APELA: variants seen among roughly 807,000 people sequenced by gnomAD.
The protein encoded by APELA is protein Elabela.
chr4:164,877,765 C>A (rs1377325111), intron 1 of APELA, among the ~76,000 whole-genome samples: 2 of 152,026 alleles, frequency 1.3e-5, no homozygotes, highest in African/African-American at 4.8e-5. Flanking sequence ...AGGTAAAATG[C>A]AAACTCCAAA....
At chr4:164,888,467 A>T (rs1244206452) in intron 2 of APELA, among the ~76,000 whole-genome samples, 1 of 152,200 alleles carries the variant, frequency 6.6e-6, no homozygotes, top group Non-Finnish European at 1.5e-5. Flanking sequence ...CCTAAGCTAG[A>T]ATCAGGGGAG....
At chr4:164,895,367 G>T (rs1039340903) in intron 2 of APELA, 49 bp from the exon 3 acceptor site, 1 of 152,070 alleles carries the variant, frequency 6.6e-6, no homozygotes, top group Non-Finnish European at 1.5e-5. Flanking sequence ...TGGTGTGCTG[G>T]ATAGTATTTC....
chr4:164,892,807 T>G (rs192446631), intron 2 of APELA, among the ~76,000 whole-genome samples: 1,831 of 152,300 alleles, frequency 0.012, 14 homozygotes, highest in Non-Finnish European at 0.018. Context: ...TTTCAGATTT[T>G]TATTTCTTTT....
At chr4:164,887,470 A>T (rs1020086761) in intron 2 of APELA, among the ~76,000 whole-genome samples, 3 of 152,150 alleles carry the variant, frequency 2.0e-5, no homozygotes, top group African/African-American at 7.2e-5. Flanking sequence ...AACAAAAAAA[A>T]CACACATATA....
intron 2 of APELA, among the ~76,000 whole-genome samples, chr4:164,890,759 GA>G (rs569662989): frequency 5.7e-4 from 86 of 151,338 alleles, no homozygotes; most frequent in African/African-American, 1.9e-3. Context: ...GGAATTAAAA[GA>G]GAGGAATTGT....
At chr4:164,895,116 T>C (rs938411124) in intron 2 of APELA, among the ~76,000 whole-genome samples, 1 of 152,176 alleles carries the variant, frequency 6.6e-6, no homozygotes, top group Admixed American at 6.5e-5. Flanking sequence ...TGAGAATCAC[T>C]TGAACTCAGA....
At chr4:164,895,292 GCACTGATAAA>G (rs770521905) in intron 2 of APELA, 114 bp from the exon 3 acceptor site, 71 of 152,072 alleles carry the variant, frequency 4.7e-4, no homozygotes, top group Admixed American at 4.3e-3. Flanking sequence ...GTTGCTTTCA[GCACTGATAAA>G]CACTGATAAA....
At chr4:164,886,375 G>C (rs992884380) in intron 2 of APELA, among the ~76,000 whole-genome samples, 12 of 152,202 alleles carry the variant, frequency 7.9e-5, no homozygotes, top group African/African-American at 2.4e-4. Flanking sequence ...ATGCCAGCCA[G>C]CCACAGTGGC....
Position 164,880,492 on chromosome 4 carries a change from G to A in APELA, c.*1+1483G>A, listed in dbSNP as rs183022132. On this transcript the variant is annotated intron_variant, in intron 2 of 2. Transcript: ENST00000507152. ...GAAACATGCTTTAAAAAGATTTTCT[G>A]TGTTAAAATATCCTTTGGTGTGTGT... is the stretch of plus-strand genomic sequence containing the variant. 1.4e-4 allele frequency among the ~76,000 whole-genome samples: 22 copies of A among 152,328 alleles called. 1 individual carries two copies. In the East Asian group the frequency reaches 4.2e-3, roughly 29 times the overall value.
chr4:164,898,610 G>A (rs1731020932), downstream of APELA: 1 of 152,062 alleles, frequency 6.6e-6, no homozygotes, highest in Non-Finnish European at 1.5e-5. Context: ...AGTAGTAATG[G>A]TGCCACCCCA....
chr4:164,892,412 T>C (rs1730900200), intron 2 of APELA, among the ~76,000 whole-genome samples: 1 of 152,218 alleles, frequency 6.6e-6, no homozygotes, highest in African/African-American at 2.4e-5. Context: ...TTGTCTCTTA[T>C]TCTATTGATA....
chr4:164,880,810 G>T (rs1299320035), intron 2 of APELA, among the ~76,000 whole-genome samples: 3 of 152,074 alleles, frequency 2.0e-5, no homozygotes, highest in Non-Finnish European at 4.4e-5. Flanking sequence ...AAAGTTGAGG[G>T]GAATTTTGAC....
chr4:164,883,209 A>G (rs1469396523), intron 2 of APELA, among the ~76,000 whole-genome samples: 1 of 152,128 alleles, frequency 6.6e-6, no homozygotes, highest in African/African-American at 2.4e-5. Flanking sequence ...TTCAGCATAG[A>G]ATCTCTACTT....
At chr4:164,893,538 C>T (rs981522464) in intron 2 of APELA, among the ~76,000 whole-genome samples, 6 of 151,890 alleles carry the variant, frequency 4.0e-5, no homozygotes, top group Non-Finnish European at 8.8e-5. Flanking sequence ...CTCAGTTGAC[C>T]CTTTTAGCAT....
chr4:164,883,490 C>CTT (rs397945999), intron 2 of APELA, among the ~76,000 whole-genome samples: 5 of 140,858 alleles, frequency 3.5e-5, no homozygotes, highest in East Asian at 4.1e-4. Flanking sequence ...CTTTCTTTTT[C>CTT]TTTTTTTTTT....
chr4:164,884,517 A>G (rs1320774396), intron 2 of APELA, among the ~76,000 whole-genome samples: 8 of 152,076 alleles, frequency 5.3e-5, no homozygotes, highest in Admixed American at 5.2e-4. Flanking sequence ...ACCTTACAAT[A>G]TATACCTTTC....
chr4:164,891,209 G>C (rs1579112279), intron 2 of APELA, among the ~76,000 whole-genome samples: 1 of 152,072 alleles, frequency 6.6e-6, no homozygotes, highest in East Asian at 1.9e-4. Flanking sequence ...TGTCCTTGGA[G>C]CAAAAAAGTT....
At chr4:164,891,704 G>T (rs1227899173) in intron 2 of APELA, among the ~76,000 whole-genome samples, 1 of 152,038 alleles carries the variant, frequency 6.6e-6, no homozygotes, top group Non-Finnish European at 1.5e-5. Flanking sequence ...CTTAGGATTT[G>T]CTGTGCACAA....
At chr4:164,890,039 T>C (rs955274890) in intron 2 of APELA, among the ~76,000 whole-genome samples, 1 of 152,228 alleles carries the variant, frequency 6.6e-6, no homozygotes, top group Non-Finnish European at 1.5e-5. Context: ...TACTGAGGGA[T>C]GATTGCATTT....
Sources: allele counts gnomAD v4.1 joint callset (sites outside exome capture counted in the v4.1 genomes callset), GRCh38; gene constraint gnomAD v4.1.1; transcripts MANE v1.5; gene names NCBI Gene and HGNC (gene_info 2026-07-23, HGNC 2026-07-21).